Variants in ADGRG6 observed in about 807,000 individuals in gnomAD.
ADGRG6 encodes G-protein coupled receptor 126.
ADGRG6 carries 84 observed loss-of-function variants against 142.4 expected under a neutral mutation model. The ratio of observed to expected loss-of-function variants is 0.59; its 90% CI spans 0.49 to 0.71. ADGRG6 has a LOEUF of 0.71. ADGRG6 is among the 30% of genes least tolerant of loss of function. ADGRG6 has a pLI of 0.00. For synonymous variants in ADGRG6, 521 were observed against 520.5 expected, an observed-to-expected ratio of 1.00 and a Z score of -0.01; for missense variants, 1,367 against 1,466.6, an observed-to-expected ratio of 0.93 and a Z score of 1.11.
At chr6:142,340,213 C>T (rs1779545029) in intron 2 of ADGRG6, among the ~76,000 whole-genome samples, 1 of 152,140 alleles carries the variant, frequency 6.6e-6, no homozygotes, top group Non-Finnish European at 1.5e-5. Context: ...TTACCAACAA[C>T]TGCTGCAAGT....
In ADGRG6 at chr6:142,367,837, G is replaced by A. The variant is rs376684988; in HGVS notation, c.372G>A (p.Ala124=). ...TAKGLSFNSS[A]NEMHVSFSSD... ...AAGGCCTATCATTTAACTCAAGTGC[G>A]AATGAGATGCATGTGTCCTTTTCAA... is the stretch of plus-strand genomic sequence containing the variant. Residue 124 remains alanine, a synonymous_variant, in exon 3 of 25, where the codon GCG becomes GCA. Transcript: ENST00000367609. The A allele has an allele frequency of 5.1e-5, 82 of 1,613,654 alleles. No individual in the cohort carries two copies. The highest frequency in any genetic ancestry group is 3.3e-4 in the Middle Eastern group (2 of 6,062).
intron 8 of ADGRG6, among the ~76,000 whole-genome samples, chr6:142,393,518 A>G (rs1190119434): frequency 3.3e-5 from 5 of 152,270 alleles, no homozygotes; most frequent in African/African-American, 9.6e-5. Context: ...TCATAGTTCT[A>G]TACCTGAACT....
chr6:142,395,314 C>G (rs552956243), intron 9 of ADGRG6, among the ~76,000 whole-genome samples: 33 of 152,092 alleles, frequency 2.2e-4, no homozygotes, highest in African/African-American at 7.7e-4. Context: ...TTTTTCAATC[C>G]TTTCTGTTAG....
At chr6:142,429,188 G>A (rs1013735642) in intron 22 of ADGRG6, among the ~76,000 whole-genome samples, 14 of 152,218 alleles carry the variant, frequency 9.2e-5, no homozygotes, top group East Asian at 1.9e-4. Context: ...AGAGAAATGC[G>A]TATTATTATT....
At chr6:142,425,180 G>A (rs76767175) in intron 22 of ADGRG6, among the ~76,000 whole-genome samples, 2,108 of 152,276 alleles carry the variant, frequency 0.014, 40 homozygotes, top group Non-Finnish European at 0.019. Flanking sequence ...GAAAGGTGGA[G>A]TGACATGATT....
chr6:142,441,792 A>T (rs1777767031), intron 24 of ADGRG6, among the ~76,000 whole-genome samples: 1 of 152,194 alleles, frequency 6.6e-6, no homozygotes, highest in African/African-American at 2.4e-5. Context: ...AACTGAAAGG[A>T]AGCTCAGAAT....
At chr6:142,338,017 G>GATTTTTTTTTTTTTTTTTT (rs1779410458) in intron 2 of ADGRG6, among the ~76,000 whole-genome samples, 1 of 35,392 alleles carries the variant, frequency 2.8e-5, no homozygotes, top group Non-Finnish European at 4.7e-5. Flanking sequence ...TTGTATCTTT[G>GATTTTTTTTTTTTTTTTTT]TTTTTTTTTT....
chr6:142,417,042 T>C lies in ADGRG6; in HGVS notation c.2939-231T>C, dbSNP rs764147118. ...CAGAATTTTATTTAAATATCTGTCA[T>C]TTAAGAGTAGGTTTGGATTGTTGCC... On this transcript the variant is annotated intron_variant, in intron 20 of 24. Transcript: ENST00000367609. 68 of 540,140 alleles carry C rather than the reference T, an allele frequency of 1.3e-4. 1 individual carries two copies. Among genetic ancestry groups the C allele is most frequent in the South Asian group, 1.0e-3 (50 of 49,506 alleles). 33.5% of individuals were successfully genotyped at this position (540,140 alleles called of 1,614,324 possible).
At chr6:142,418,133 A>G (rs1776462878) in intron 21 of ADGRG6, among the ~76,000 whole-genome samples, 1 of 151,898 alleles carries the variant, frequency 6.6e-6, no homozygotes, top group African/African-American at 2.4e-5. Flanking sequence ...CATCTCTATT[A>G]AAAATACAAA....
At chr6:142,330,134 G>A (rs375750517) in intron 2 of ADGRG6, among the ~76,000 whole-genome samples, 3 of 151,516 alleles carry the variant, frequency 2.0e-5, no homozygotes, top group Non-Finnish European at 2.9e-5. Flanking sequence ...TTTTCTGTTC[G>A]TGTGTTAGTT....
At chr6:142,308,794 T>C (rs891134407) in intron 1 of ADGRG6, among the ~76,000 whole-genome samples, 3 of 151,928 alleles carry the variant, frequency 2.0e-5, no homozygotes, top group South Asian at 2.1e-4. Context: ...ATGAACTGTA[T>C]TATACCATTG....
chr6:142,323,686 ATTAC>A (rs1376413841), intron 2 of ADGRG6, among the ~76,000 whole-genome samples: 2 of 152,110 alleles, frequency 1.3e-5, no homozygotes, highest in African/African-American at 4.8e-5. Flanking sequence ...GGTATAGCCT[ATTAC>A]TTCTAGGCTA....
chr6:142,342,031 A>G (rs1562324512), intron 2 of ADGRG6, among the ~76,000 whole-genome samples: 1 of 152,016 alleles, frequency 6.6e-6, no homozygotes, highest in African/African-American at 2.4e-5. Context: ...TTTTTTGGTG[A>G]AGTTTACCTC....
At chr6:142,348,644 T>C (rs1283889601) in intron 2 of ADGRG6, among the ~76,000 whole-genome samples, 1 of 151,472 alleles carries the variant, frequency 6.6e-6, no homozygotes, top group Non-Finnish European at 1.5e-5. Context: ...TTTTTTTAGA[T>C]ATTTAGACTT....
chr6:142,330,308 A>T (rs1778986607), intron 2 of ADGRG6, among the ~76,000 whole-genome samples: 1 of 152,114 alleles, frequency 6.6e-6, no homozygotes. Context: ...TTACCTGTGT[A>T]ACAAACCTGC....
chr6:142,365,729 A>T (rs1354238922), intron 2 of ADGRG6, among the ~76,000 whole-genome samples: 1 of 152,174 alleles, frequency 6.6e-6, no homozygotes, highest in African/African-American at 2.4e-5. Flanking sequence ...GAATGGATGG[A>T]GACAGAGTTG....
Position 142,302,317 on chromosome 6 carries a change from C to G in ADGRG6, c.-13C>G. Reference sequence around the variant, plus strand: ...CTTGCGGCCAAAGGGGACCTCGGCGCAGTAATGTCAACATGTAAGTCTCAC... The same window carrying G: ...CTTGCGGCCAAAGGGGACCTCGGCGGAGTAATGTCAACATGTAAGTCTCAC... On this transcript the variant is annotated 5_prime_UTR_variant, in exon 1 of 25. Transcript: ENST00000367609. 1 of 1,612,982 alleles carries G rather than the reference C, an allele frequency of 6.2e-7. No individual in the cohort carries two copies. Among genetic ancestry groups the G allele is most frequent in the Non-Finnish European group, 8.5e-7 (1 of 1,179,394 alleles).
At chr6:142,391,434 T>TACAC (rs35253608) in intron 7 of ADGRG6, among the ~76,000 whole-genome samples, 5,241 of 132,360 alleles carry the variant, frequency 0.04, 94 homozygotes, top group Middle Eastern at 0.083. Flanking sequence ...AAGTGGTAGC[T>TACAC]ACACACACAC....
intron 2 of ADGRG6, among the ~76,000 whole-genome samples, chr6:142,339,919 T>A (rs974660970): frequency 6.6e-6 from 1 of 152,174 alleles, no homozygotes; most frequent in African/African-American, 2.4e-5. Context: ...TGTGTTCCAT[T>A]ATCATACATG....
Sources: gnomAD v4.1 joint callset for allele counts (sites outside exome capture counted in the v4.1 genomes callset) on GRCh38, gnomAD v4.1.1 for gene constraint, MANE v1.5 for transcripts, NCBI Gene and HGNC (gene_info 2026-07-23, HGNC 2026-07-21) for gene names.